PNMA8B: variants seen among roughly 807,000 people sequenced by gnomAD.
PNMA8B encodes paraneoplastic antigen-like protein 8B.
For synonymous variants in PNMA8B, 386 were observed against 394.9 expected, an observed-to-expected ratio of 0.98 and a Z score of 0.27; for missense variants, 887 against 885.8, an observed-to-expected ratio of 1.00 and a Z score of -0.02.
rs2147484792 is a variant in PNMA8B at position 46,493,760 on chromosome 19, C to CGGCCTT, written c.1705_1706insAAGGCC (p.Gly568_Arg569insGlnGly). On this transcript the variant is annotated inframe_insertion, in exon 1 of 1. Transcript: ENST00000599531. This position sits in a 1 kb window ranked among gnomAD's most constrained non-coding sequence, Gnocchi z 5.3. ...GGCTTTCTTCTCGGGAGTGACGCCC[C>CGGCCTT]GGCCTCGGCCTCGGCCGCCCGCGCG... 3 of 1,352,336 alleles carry CGGCCTT rather than the reference C, an allele frequency of 2.2e-6. No individual in the cohort carries two copies. Among genetic ancestry groups the CGGCCTT allele is most frequent in the Non-Finnish European group, 2.8e-6 (3 of 1,058,476 alleles). The allele number at this position is 1,352,336 out of a possible 1,614,324, so 83.8% of individuals were successfully genotyped here.
chr19:46,495,541 A>T lies in PNMA8B; in HGVS notation c.-76T>A, dbSNP rs940536506. The T allele has an allele frequency of 6.7e-7, 1 of 1,493,660 alleles. No homozygotes were observed. Among genetic ancestry groups the T allele is most frequent in the East Asian group, 2.4e-5 (1 of 42,270 alleles). The allele number at this position is 1,493,660 out of a possible 1,614,324, so 92.5% of individuals were successfully genotyped here. A position where few individuals can be genotyped will look rare whatever the true frequency, so the allele number is the denominator to read the frequency against. ...GGGTGGGCTGCAGCGCACGGTGTCA[A>T]TGCAACCCTAGAAAGCCACTTGCAG... is the stretch of plus-strand genomic sequence containing the variant. On this transcript the variant is annotated 5_prime_UTR_variant, in exon 1 of 1. It adds an upstream start codon to the 5' untranslated region. Coordinates refer to ENST00000599531, the MANE Select transcript of PNMA8B (RefSeq NM_020709.3).
rs1232364813 is a variant in PNMA8B at position 46,493,557 on chromosome 19, A to G, written c.*1T>C. Reference sequence around the variant, plus strand: ...AGCCTGGGCGGCTTCTTGGGGGGCCACTAGCGGCATTTAGGGGGCAGCCTC... The same window carrying G: ...AGCCTGGGCGGCTTCTTGGGGGGCCGCTAGCGGCATTTAGGGGGCAGCCTC... On this transcript the variant is annotated 3_prime_UTR_variant, in exon 1 of 1. Coordinates refer to ENST00000599531, the MANE Select transcript of PNMA8B (RefSeq NM_020709.3). This position sits in a 1 kb window ranked among gnomAD's most constrained non-coding sequence, Gnocchi z 5.3. The G allele has an allele frequency of 7.3e-7, 1 of 1,368,882 alleles. No homozygotes were observed. The highest frequency in any genetic ancestry group is 9.4e-7 in the Non-Finnish European group (1 of 1,064,716). 84.8% of individuals were successfully genotyped at this position (1,368,882 alleles called of 1,614,324 possible).
In PNMA8B at chr19:46,495,083, G is replaced by A. The variant is rs1412759793; in HGVS notation, c.383C>T (p.Pro128Leu). 6.2e-7 allele frequency: 1 copy of A among 1,612,658 alleles called. No homozygotes were observed. Among genetic ancestry groups the A allele is most frequent in the Non-Finnish European group, 8.5e-7 (1 of 1,179,802 alleles). Reference sequence around the variant, plus strand: ...CTGCGTCTCCGAAGCGGGAGGGGTGGGTGCCTCCCCGGGGGTCCCAGCCTC... The same window carrying A: ...CTGCGTCTCCGAAGCGGGAGGGGTGAGTGCCTCCCCGGGGGTCCCAGCCTC... ...AAEAGTPGEA[P>L]TPPASETQAQ... Residue 128 changes from proline (P) to leucine (L), a missense_variant, in exon 1 of 1, where the codon CCC becomes CTC. Coordinates refer to ENST00000599531, the MANE Select transcript of PNMA8B (RefSeq NM_020709.3).
Position 46,494,867 on chromosome 19 carries a change from T to C in PNMA8B, c.599A>G (p.Glu200Gly), listed in dbSNP as rs1180232062. ...ARSEAEDSSD[E>G]SLGIVIEEID... ...CTCCTCGATCACGATGCCCAGGCTC[T>C]CGTCGGAAGAGTCCTCGGCCTCACT... Residue 200 changes from glutamate (E) to glycine (G), a missense_variant, in exon 1 of 1, where the codon GAG becomes GGG. Physicochemically the swap from Glu to Gly is moderately conservative, Grantham distance 98 (BLOSUM62 -2). Coordinates refer to ENST00000599531, the MANE Select transcript of PNMA8B (RefSeq NM_020709.3). 1.2e-6 allele frequency: 2 copies of C among 1,612,946 alleles called. No individual in the cohort carries two copies. Among genetic ancestry groups the C allele is most frequent in the Admixed American group, 3.3e-5 (2 of 60,012 alleles).
Position 46,492,545 on chromosome 19 carries a change from G to A in PNMA8B, c.*1013C>T, listed in dbSNP as rs115069547. On this transcript the variant is annotated 3_prime_UTR_variant, in exon 1 of 1. Coordinates refer to ENST00000599531, the MANE Select transcript of PNMA8B (RefSeq NM_020709.3). ...CCCAGGTGAGCCTCTGTCCCTCACA[G>A]TGCCCTTCGGGGCCCCTCTGGCCTT... 0.019 allele frequency: 2,957 copies of A among 153,746 alleles called. 89 individuals carry two copies. Among genetic ancestry groups the A allele is most frequent in the African/African-American group, 0.067 (2,785 of 41,570 alleles). 9.5% of individuals were successfully genotyped at this position (153,746 alleles called of 1,614,324 possible).
rs1970046888 is a variant in PNMA8B, at chr19:46,493,900, C to T, written c.1566G>A (p.Ala522=). The change falls in exon 1 of 1, where the codon GCG becomes GCA. Residue 522 remains alanine, a synonymous_variant. Coordinates refer to ENST00000599531, the MANE Select transcript of PNMA8B (RefSeq NM_020709.3). The surrounding 1 kb of genome is among the most constrained non-coding windows in gnomAD (Gnocchi z 5.3). The stretch of plus-strand genomic sequence containing the variant: ...TGGATGCCCTGTCCTCCGGCTCCGA[C>T]GCCTCGCTCTCGGTGTCCTCCGACT... The part of the protein sequence containing the change: ...EEESEDTESE[A]SEPEDRASRK... 6.4e-7 allele frequency: 1 copy of T among 1,566,838 alleles called. No homozygotes were observed. Among genetic ancestry groups the T allele is most frequent in the East Asian group, 2.3e-5 (1 of 44,130 alleles).
At position 46,492,231 on chromosome 19, in the gene PNMA8B, C is replaced by T. The variant is rs554079187; in HGVS notation, c.*1327G>A. The T allele has an allele frequency of 4.0e-5, 15 of 376,714 alleles. No homozygotes were observed. The highest frequency in any genetic ancestry group is 1.5e-4 in the Admixed American group (5 of 33,708). 23.3% of individuals were successfully genotyped at this position (376,714 alleles called of 1,614,324 possible). A position where few individuals can be genotyped will look rare whatever the true frequency, so the allele number is the denominator to read the frequency against. ...CACTGCCAGGGAATGGAAATTGGGACGAGGAAGCACACACATTGCCCCAGG... is the reference window on the plus strand; with the variant it reads ...CACTGCCAGGGAATGGAAATTGGGATGAGGAAGCACACACATTGCCCCAGG... On this transcript the variant is annotated 3_prime_UTR_variant, in exon 1 of 1. Coordinates refer to ENST00000599531, the MANE Select transcript of PNMA8B (RefSeq NM_020709.3).
In PNMA8B at chr19:46,494,729, T is replaced by C; in HGVS notation, c.737A>G (p.Glu246Gly). ...RQWAPCNSEG[E>G]EDGPREFLAL... is the part of the protein sequence containing the mutation. ...CAAGAACTCGCGGGGACCGTCTTCTTCCCCCTCGGAGTTGCAGGGCGCCCA... is the reference window on the plus strand; with the variant it reads ...CAAGAACTCGCGGGGACCGTCTTCTCCCCCCTCGGAGTTGCAGGGCGCCCA... The change falls in exon 1 of 1, where the codon GAA becomes GGA. Residue 246 changes from glutamate (E) to glycine (G), a missense_variant. Glu to Gly is a moderately conservative substitution (Grantham distance 98). Coordinates refer to ENST00000599531, the MANE Select transcript of PNMA8B (RefSeq NM_020709.3). 1 of 1,613,902 alleles carries C rather than the reference T, an allele frequency of 6.2e-7. No individual in the cohort carries two copies.
Position 46,494,124 on chromosome 19 carries a change from G to A in PNMA8B, c.1342C>T (p.Leu448Phe). The A allele has an allele frequency of 6.2e-7, 1 of 1,611,710 alleles. No homozygotes were observed. The highest frequency in any genetic ancestry group is 2.2e-5 in the East Asian group (1 of 44,866). ...WSEHREDEGG[L>F]LELVALLAAQ... is the part of the protein sequence containing the mutation. ...GCCAGGAGCGCCACCAGCTCCAGAA[G>A]ACCCCCTTCGTCCTCACGGTGCTCG... The change falls in exon 1 of 1, where the codon CTT becomes TTT. Residue 448 changes from leucine (L) to phenylalanine (F), a missense_variant. Physicochemically the swap from Leu to Phe is conservative, Grantham distance 22. Coordinates refer to ENST00000599531, the MANE Select transcript of PNMA8B (RefSeq NM_020709.3).
In PNMA8B at chr19:46,493,051, C is replaced by T. The variant is rs142408274; in HGVS notation, c.*507G>A. 5.4e-4 allele frequency: 85 copies of T among 156,076 alleles called. 1 individual carries two copies. Among genetic ancestry groups the T allele is most frequent in the Middle Eastern group, 4.7e-3 (9 of 1,934 alleles). The allele number at this position is 156,076 out of a possible 1,614,324, so 9.7% of individuals were successfully genotyped here. A position where few individuals can be genotyped will look rare whatever the true frequency, so the allele number is the denominator to read the frequency against. The stretch of plus-strand genomic sequence containing the variant: ...CTCTTCCCCTGGCTGGGAGCTGGGG[C>T]CTCCCCTGGCTGAGAGTTGCGCCCT... On this transcript the variant is annotated 3_prime_UTR_variant, in exon 1 of 1. Transcript: ENST00000599531. The surrounding 1 kb of genome is among the most constrained non-coding windows in gnomAD (Gnocchi z 5.3).
chr19:46,493,548 T>TG lies in PNMA8B; in HGVS notation c.*9dup, dbSNP rs749101065. 146 of 1,344,944 alleles carry TG rather than the reference T, an allele frequency of 1.1e-4. No homozygotes were observed. The highest frequency in any genetic ancestry group is 8.4e-4 in the Middle Eastern group (3 of 3,568). 83.3% of individuals were successfully genotyped at this position (1,344,944 alleles called of 1,614,324 possible). On this transcript the variant is annotated 3_prime_UTR_variant, in exon 1 of 1. Transcript: ENST00000599531. The surrounding 1 kb of genome is among the most constrained non-coding windows in gnomAD (Gnocchi z 5.3). ...CCTGCTCGCAGCCTGGGCGGCTTCT[T>TG]GGGGGGCCACTAGCGGCATTTAGGG...
chr19:46,494,158 C>G lies in PNMA8B; in HGVS notation c.1308G>C (p.Gly436=), dbSNP rs760188756. The part of the protein sequence containing the change: ...QAKKAGRGLF[G]GWSEHREDEG... ...CGTCCTCACGGTGCTCGCTCCAGCC[C>G]CCGAAGAGGCCACGCCCAGCCTTCT... is the stretch of plus-strand genomic sequence containing the variant. Residue 436 remains glycine, a synonymous_variant, in exon 1 of 1, where the codon GGG becomes GGC. Transcript: ENST00000599531. The G allele has an allele frequency of 6.2e-7, 1 of 1,610,628 alleles. No homozygotes were observed. The highest frequency in any genetic ancestry group is 1.1e-5 in the South Asian group (1 of 91,082).
rs772357024 is a variant in PNMA8B at position 46,493,817 on chromosome 19, G to C, written c.1649C>G (p.Ala550Gly). ...TAPRGLTPAG[A>G]PPTASGARKT... ...GCGGGCCCCGGAAGCGGTGGGAGGC[G>C]CGCCGGCCGGAGTCAGGCCCCTGGG... The change falls in exon 1 of 1, where the codon GCG (alanine) becomes GGG (glycine). Residue 550 changes from alanine (A) to glycine (G), a missense_variant. By Grantham distance (60) the Ala-to-Gly change is moderately conservative (BLOSUM62 0). Transcript: ENST00000599531. The surrounding 1 kb of genome is among the most constrained non-coding windows in gnomAD (Gnocchi z 5.3). The C allele has an allele frequency of 7.3e-7, 1 of 1,377,598 alleles. No homozygotes were observed. Among genetic ancestry groups the C allele is most frequent in the East Asian group, 2.9e-5 (1 of 34,486 alleles). 85.3% of individuals were successfully genotyped at this position (1,377,598 alleles called of 1,614,324 possible). A position where few individuals can be genotyped will look rare whatever the true frequency, so the allele number is the denominator to read the frequency against.
Position 46,493,244 on chromosome 19 carries a change from C to G in PNMA8B, c.*314G>C, listed in dbSNP as rs541650673. 7.1e-6 allele frequency: 2 copies of G among 280,298 alleles called. No individual in the cohort carries two copies. The highest frequency in any genetic ancestry group is 1.6e-4 in the South Asian group (1 of 6,140). 17.4% of individuals were successfully genotyped at this position (280,298 alleles called of 1,614,324 possible). A position where few individuals can be genotyped will look rare whatever the true frequency, so the allele number is the denominator to read the frequency against. On this transcript the variant is annotated 3_prime_UTR_variant, in exon 1 of 1. Transcript: ENST00000599531. This position sits in a 1 kb window ranked among gnomAD's most constrained non-coding sequence, Gnocchi z 5.3. ...GTGCCCGGCGTCCACACACACACCC[C>G]CTCCGGGGGCAACCCGGGCCCCCAA...
In PNMA8B at chr19:46,495,479, T is replaced by A; in HGVS notation, c.-14A>T. ...GCTCATGGCCATGGTGCAGCCCCCT[T>A]GGCGCTGATCTTGGGGCAGCAGGGA... On this transcript the variant is annotated 5_prime_UTR_variant, in exon 1 of 1. Transcript: ENST00000599531. 1 of 1,586,488 alleles carries A rather than the reference T, an allele frequency of 6.3e-7. No individual in the cohort carries two copies. Among genetic ancestry groups the A allele is most frequent in the Non-Finnish European group, 8.6e-7 (1 of 1,162,634 alleles).
chr19:46,493,782 C>A lies in PNMA8B; in HGVS notation c.1684G>T (p.Ala562Ser). The stretch of plus-strand genomic sequence containing the variant: ...CCCCGGCCTCGGCCTCGGCCGCCCG[C>A]GCGGGTTTTGCGGGCCCCGGAAGCG... ...PTASGARKTR[A>S]GGRGRGRGVT... is the part of the protein sequence containing the mutation. Residue 562 changes from alanine (A) to serine (S), a missense_variant, in exon 1 of 1, where the codon GCG becomes TCG. Transcript: ENST00000599531. The surrounding 1 kb of genome is among the most constrained non-coding windows in gnomAD (Gnocchi z 5.3). 1 of 1,372,296 alleles carries A rather than the reference C, an allele frequency of 7.3e-7. No individual in the cohort carries two copies. The allele number at this position is 1,372,296 out of a possible 1,614,324, so 85.0% of individuals were successfully genotyped here.
At position 46,495,036 on chromosome 19, in the gene PNMA8B, TTAC is replaced by T; in HGVS notation, c.427_429del (p.Val143del). On this transcript the variant is annotated inframe_deletion, in exon 1 of 1. Coordinates refer to ENST00000599531, the MANE Select transcript of PNMA8B (RefSeq NM_020709.3). Reference sequence around the variant, plus strand: ...CCAAGAAGCGAGCCAGCCTGCCCTGTTACCTCCCCAGAATCCTGGGCCTGCGTC... The same window carrying T: ...CCAAGAAGCGAGCCAGCCTGCCCTGTCTCCCCAGAATCCTGGGCCTGCGTC... The T allele has an allele frequency of 6.2e-7, 1 of 1,610,390 alleles. No homozygotes were observed.
In PNMA8B at chr19:46,494,293, T is replaced by A. The variant is rs1438403454; in HGVS notation, c.1173A>T (p.Glu391Asp). 6.2e-7 allele frequency: 1 copy of A among 1,612,186 alleles called. No homozygotes were observed. Among genetic ancestry groups the A allele is most frequent in the East Asian group, 2.2e-5 (1 of 44,848 alleles). ...CGGCGTCCACCTCGCGGCCCGCCTC[T>A]TCCACCTTCACGCGGGTCCCGTTAG... is the stretch of plus-strand genomic sequence containing the variant. ...KDTNGTRVKV[E>D]EAGREVDAVV... Residue 391 changes from glutamate (E) to aspartate (D), a missense_variant, in exon 1 of 1, where the codon GAA becomes GAT. Glu to Asp is a conservative substitution (Grantham distance 45). Transcript: ENST00000599531.
At position 46,494,603 on chromosome 19, in the gene PNMA8B, C is replaced by A. The variant is rs759756860; in HGVS notation, c.863G>T (p.Gly288Val). ...IRLNTKEDKNGVPDLVALLAV... is the reference protein window; with the variant it reads ...IRLNTKEDKNVVPDLVALLAV... ...CAGCAGGGCCACTAAGTCGGGGACA[C>A]CATTTTTGTCTTCTTTGGTGTTCAA... The change falls in exon 1 of 1, where the codon GGT (glycine) becomes GTT (valine). Residue 288 changes from glycine to valine, a missense_variant. Transcript: ENST00000599531. 1.2e-6 allele frequency: 2 copies of A among 1,613,910 alleles called. No homozygotes were observed. Among genetic ancestry groups the A allele is most frequent in the African/African-American group, 2.7e-5 (2 of 74,928 alleles).
Sources: gnomAD v4.1 joint callset for allele counts on GRCh38, gnomAD v4.1.1 for gene constraint, Gnocchi (gnomAD v3.1) non-coding constraint, MANE v1.5 for transcripts, NCBI Gene and HGNC (gene_info 2026-07-23, HGNC 2026-07-21) for gene names.